AGAP1: variants seen among roughly 807,000 people sequenced by gnomAD.
AGAP1 encodes the protein arf-GAP with GTPase, ANK repeat and PH domain-containing protein 1.
In AGAP1, 29 loss-of-function variants were observed where a neutral mutation model predicts 105.3. The ratio of observed to expected loss-of-function variants is 0.28; its 90% confidence interval spans 0.21 to 0.38. The LOEUF (loss-of-function observed/expected upper bound fraction) is 0.38, where lower values mean the gene tolerates loss of function less well. Ranked by LOEUF, AGAP1 falls within the 10% of genes least tolerant of loss-of-function variation. AGAP1 has a pLI of 1.00. For missense variants in AGAP1, 998 were observed against 1,165.1 expected (o/e 0.86, Z 2.09); for synonymous variants, 509 against 485.9 (o/e 1.05, Z -0.63).
Position 236,063,513 on chromosome 2 carries a change from G to A in AGAP1, c.2114+14232G>A, listed in dbSNP as rs1166984382. On this transcript the variant is annotated intron_variant, in intron 16 of 17. Coordinates refer to ENST00000304032, the MANE Select transcript of AGAP1 (RefSeq NM_001037131.3). Reference sequence around the variant, plus strand: ...TAAACAACAAGCAAAACACACAAAAGGTAATTCCAGTTGTAAAATCTTGAC... The same window carrying A: ...TAAACAACAAGCAAAACACACAAAAAGTAATTCCAGTTGTAAAATCTTGAC... Among the ~76,000 whole-genome samples the A allele has an allele frequency of 2.0e-5, 3 of 152,168 alleles. No homozygotes were observed. The East Asian group carries it at 5.8e-4, about 29-fold the overall frequency.
At position 236,005,848 on chromosome 2, in the gene AGAP1, G is replaced by T. The variant is rs1160386067; in HGVS notation, c.1646-30713G>T. Among the ~76,000 whole-genome samples, 1 of 152,206 alleles carries T rather than the reference G, an allele frequency of 6.6e-6. No homozygotes were observed. The highest frequency in any genetic ancestry group is 6.5e-5 in the Admixed American group (1 of 15,282). ...ACCATCAACTTTATTTATGGCTGCT[G>T]ATGTTGACCTTGATCCTTTGACTTG... On this transcript the variant is annotated intron_variant, in intron 13 of 17. Transcript: ENST00000304032. The surrounding 1 kb of genome is among the most constrained non-coding windows in gnomAD (Gnocchi z 4.1).
rs13424895 is a variant in AGAP1, at chr2:236,028,491, A to G, written c.1646-8070A>G. Among the ~76,000 whole-genome samples the G allele has an allele frequency of 7.7e-3, 1,165 of 152,262 alleles. 13 individuals carry two copies. Among genetic ancestry groups the G allele is most frequent in the African/African-American group, 0.027 (1,104 of 41,536 alleles). On this transcript the variant is annotated intron_variant, in intron 13 of 17. Coordinates refer to ENST00000304032, the MANE Select transcript of AGAP1 (RefSeq NM_001037131.3). ...ACCTCAGAGATAGAAATATATGTCT[A>G]TTATTTGTGAAGGCATGCTTAAATA...
At chr2:235,521,805 T>G (rs992561130) in intron 1 of AGAP1, among the ~76,000 whole-genome samples, 2 of 151,908 alleles carry the variant, frequency 1.3e-5, no homozygotes, top group Non-Finnish European at 2.9e-5. Flanking sequence ...TAGTGCTGTA[T>G]AGTCTACGTC....
At chr2:235,899,766 T>TA (rs1303410805) in intron 10 of AGAP1, among the ~76,000 whole-genome samples, 2 of 151,926 alleles carry the variant, frequency 1.3e-5, no homozygotes, top group Non-Finnish European at 2.9e-5. Flanking sequence ...AGTGACTGTG[T>TA]AGAGACAAGC....
chr2:235,558,695 G>A (rs1213394235), intron 1 of AGAP1, among the ~76,000 whole-genome samples: 1 of 152,154 alleles, frequency 6.6e-6, no homozygotes, highest in Non-Finnish European at 1.5e-5. Context: ...AAAGGACTCT[G>A]CCTCGAAATG....
rs1389221329 is a variant in AGAP1, at chr2:235,689,754, G to T, written c.164-19425G>T. ...GCACTGTTGGTAAACTGTCCTGCAT[G>T]TGTGTACGTGCACACTTGTGTGACG... is the stretch of plus-strand genomic sequence containing the variant. On this transcript the variant is annotated intron_variant, in intron 1 of 17. Transcript: ENST00000304032. The surrounding 1 kb of genome is among the most constrained non-coding windows in gnomAD (Gnocchi z 4.2). 6.6e-6 allele frequency among the ~76,000 whole-genome samples: 1 copy of T among 152,334 alleles called. No homozygotes were observed. Among genetic ancestry groups the T allele is most frequent in the African/African-American group, 2.4e-5 (1 of 41,586 alleles).
rs1471750309 is a variant in AGAP1, at chr2:235,609,290, G to T, written c.164-99889G>T. ...GATGTGGCCACTGGTGCTTGGAAGA[G>T]AACACAATGAAATTGAGTCCCTAGC... On this transcript the variant is annotated intron_variant, in intron 1 of 17. Coordinates refer to ENST00000304032, the MANE Select transcript of AGAP1 (RefSeq NM_001037131.3). This position sits in a 1 kb window ranked among gnomAD's most constrained non-coding sequence, Gnocchi z 5.1. Among the ~76,000 whole-genome samples the T allele has an allele frequency of 6.6e-6, 1 of 152,134 alleles. No individual in the cohort carries two copies. The highest frequency in any genetic ancestry group is 1.5e-5 in the Non-Finnish European group (1 of 68,030).
At chr2:235,696,422 G>A (rs1005231042) in intron 1 of AGAP1, among the ~76,000 whole-genome samples, 7 of 152,166 alleles carry the variant, frequency 4.6e-5, no homozygotes, top group Non-Finnish European at 1.5e-5. Context: ...AGTCGTGTGA[G>A]GTCCCAGGGT....
At position 235,992,874 on chromosome 2, in the gene AGAP1, C is replaced by A. The variant is rs971452497; in HGVS notation, c.1645+24251C>A. 6.6e-6 allele frequency among the ~76,000 whole-genome samples: 1 copy of A among 152,124 alleles called. No homozygotes were observed. The highest frequency in any genetic ancestry group is 1.5e-5 in the Non-Finnish European group (1 of 68,028). On this transcript the variant is annotated intron_variant, in intron 13 of 17. Transcript: ENST00000304032. The surrounding 1 kb of genome is among the most constrained non-coding windows in gnomAD (Gnocchi z 4.8). ...GCCTTTGCAGTTGAGCTTGTGTTGG[C>A]CTCTTTCCGTCGTGAACCATGGACG... is the stretch of plus-strand genomic sequence containing the variant.
intron 1 of AGAP1, among the ~76,000 whole-genome samples, chr2:235,628,646 T>TG (rs1443088855): frequency 7.2e-5 from 11 of 151,950 alleles, no homozygotes; most frequent in Non-Finnish European, 2.9e-5. Context: ...CATAGGTTAT[T>TG]GGGGAACAGG....
intron 6 of AGAP1, among the ~76,000 whole-genome samples, chr2:235,772,822 GTCTC>G (rs969579123): frequency 3.9e-5 from 6 of 152,188 alleles, no homozygotes; most frequent in Non-Finnish European, 7.3e-5. Flanking sequence ...ATGCAAGCGG[GTCTC>G]TCTCTGACCT....
chr2:235,774,009 G>A (rs1039160862), intron 6 of AGAP1: 3 of 467,408 alleles, frequency 6.4e-6, no homozygotes, highest in African/African-American at 6.0e-5. Context: ...AAATAAAACA[G>A]GACCAAGAGA....
In AGAP1 at chr2:235,934,808, G is replaced by T. The variant is rs1253175215; in HGVS notation, c.1483+3885G>T. On this transcript the variant is annotated intron_variant, in intron 12 of 17. Transcript: ENST00000304032. This position sits in a 1 kb window ranked among gnomAD's most constrained non-coding sequence, Gnocchi z 4.9. The stretch of plus-strand genomic sequence containing the variant: ...GCAGCTTTGGAATACAGACGCCCGT[G>T]TTGGCAAGTGTGCCTTCCCATTGTT... Among the ~76,000 whole-genome samples, 1 of 152,144 alleles carries T rather than the reference G, an allele frequency of 6.6e-6. No individual in the cohort carries two copies. The highest frequency in any genetic ancestry group is 2.4e-5 in the African/African-American group (1 of 41,432).
chr2:235,927,037 G>A lies in AGAP1; in HGVS notation c.1325-3728G>A, dbSNP rs571829078. Among the ~76,000 whole-genome samples, 11 of 152,318 alleles carry A rather than the reference G, an allele frequency of 7.2e-5. No homozygotes were observed. Among genetic ancestry groups the A allele is most frequent in the South Asian group, 4.1e-4 (2 of 4,822 alleles). On this transcript the variant is annotated intron_variant, in intron 11 of 17. Transcript: ENST00000304032. This position sits in a 1 kb window ranked among gnomAD's most constrained non-coding sequence, Gnocchi z 4.4. ...TATGAGCTCAGCCTGGACGTCAGGC[G>A]ATAGTCTGTGGATCTGATTGAAAGT...
rs148527042 is a variant in AGAP1 at position 235,758,458 on chromosome 2, G to A, written c.673+7970G>A. Among the ~76,000 whole-genome samples the A allele has an allele frequency of 2.9e-3, 444 of 152,150 alleles. 3 individuals carry two copies. The highest frequency in any genetic ancestry group is 5.1e-3 in the Non-Finnish European group (344 of 68,018). Reference sequence around the variant, plus strand: ...GTGTCAGGCGAGGCCATCATTTCCCGTTTCTACCTGTGGTCTTGGCTGTGC... The same window carrying A: ...GTGTCAGGCGAGGCCATCATTTCCCATTTCTACCTGTGGTCTTGGCTGTGC... On this transcript the variant is annotated intron_variant, in intron 6 of 17. Transcript: ENST00000304032.
At chr2:235,651,006 C>T (rs1046978557) in intron 1 of AGAP1, among the ~76,000 whole-genome samples, 3 of 151,558 alleles carry the variant, frequency 2.0e-5, no homozygotes, top group Admixed American at 2.0e-4. Flanking sequence ...ATGGTGAAAC[C>T]CGGTCTCTCT....
intron 12 of AGAP1, among the ~76,000 whole-genome samples, chr2:235,941,028 G>A (rs2053234895): frequency 6.6e-6 from 1 of 152,208 alleles, no homozygotes; most frequent in African/African-American, 2.4e-5. Flanking sequence ...AGTTTTATAT[G>A]ATATAATCTT....
chr2:236,004,463 C>T (rs1053307304), intron 13 of AGAP1, among the ~76,000 whole-genome samples: 5 of 152,118 alleles, frequency 3.3e-5, no homozygotes, highest in African/African-American at 1.2e-4. Context: ...TTCAAGCATA[C>T]GTTGTAATCT....
intron 1 of AGAP1, among the ~76,000 whole-genome samples, chr2:235,571,835 T>C (rs1045471906): frequency 1.3e-5 from 2 of 151,736 alleles, no homozygotes; most frequent in African/African-American, 2.4e-5. Context: ...TAGGCTCAAA[T>C]GGTCCTCCAA....
Sources: gnomAD v4.1 joint callset for allele counts (sites outside exome capture counted in the v4.1 genomes callset) on GRCh38, gnomAD v4.1.1 for gene constraint, Gnocchi (gnomAD v3.1) non-coding constraint, MANE v1.5 for transcripts, NCBI Gene and HGNC (gene_info 2026-07-23, HGNC 2026-07-21) for gene names.